SPACA9: variants seen among roughly 807,000 people sequenced by gnomAD.
SPACA9 encodes the protein sperm acrosome-associated protein 9.
In SPACA9, 14 loss-of-function variants were observed where a neutral mutation model predicts 12.5. The ratio of observed to expected loss-of-function variants is 1.12; its 90% CI spans 0.74 to 1.75. SPACA9 has a LOEUF of 1.75. Ranked by LOEUF, SPACA9 falls within the 40% of genes most tolerant of loss-of-function variation. The pLI is 0.00. For missense variants in SPACA9, 292 were observed against 291.9 expected (o/e 1.00, Z 0.00); for synonymous variants, 111 against 114.1 (o/e 0.97, Z 0.17).
rs373221100 is a variant in SPACA9, at chr9:132,883,974, C to T, written c.27C>T (p.Arg9=). The T allele has an allele frequency of 1.8e-5, 29 of 1,614,064 alleles. No homozygotes were observed. In the African/African-American group the frequency reaches 2.5e-4, roughly 14 times the overall value. MNEVKESL[R]SIEQKYKLFQ... is the part of the protein sequence containing the mutation. Reference sequence around the variant, plus strand: ...TGAATGAGGTGAAAGAATCCCTTCGCAGCATCGAGCAGAAGTACAAGCTCT... The same window carrying T: ...TGAATGAGGTGAAAGAATCCCTTCGTAGCATCGAGCAGAAGTACAAGCTCT... Residue 9 remains arginine, a synonymous_variant, in exon 2 of 4, where the codon CGC becomes CGT. Coordinates refer to ENST00000356311, the MANE Select transcript of SPACA9 (RefSeq NM_001316897.2).
chr9:132,882,503 T>C (rs375713759), intron 1 of SPACA9, among the ~76,000 whole-genome samples: 1 of 146,344 alleles, frequency 6.8e-6, no homozygotes, highest in African/African-American at 2.5e-5. Context: ...CCCTGTGTCC[T>C]AGGCTGGAGT....
intron 1 of SPACA9, among the ~76,000 whole-genome samples, chr9:132,879,522 T>C (rs1844323923): frequency 6.6e-6 from 1 of 152,320 alleles, no homozygotes; most frequent in Non-Finnish European, 1.5e-5. Context: ...TGGAGAGTAA[T>C]TGGCATGCAG....
At position 132,889,342 on chromosome 9, in the gene SPACA9, T is replaced by C. The variant is rs1286295613; in HGVS notation, c.*731T>C. On this transcript the variant is annotated 3_prime_UTR_variant, in exon 4 of 4. Coordinates refer to ENST00000356311, the MANE Select transcript of SPACA9 (RefSeq NM_001316897.2). Reference sequence around the variant, plus strand: ...CCCCAACTGTAGGCAAGGCACACGCTGTTTGCGAGCCAGGGATGCTCCCCT... The same window carrying C: ...CCCCAACTGTAGGCAAGGCACACGCCGTTTGCGAGCCAGGGATGCTCCCCT... 3.0e-6 allele frequency: 3 copies of C among 985,422 alleles called. No individual in the cohort carries two copies. The highest frequency in any genetic ancestry group is 3.6e-6 in the Non-Finnish European group (3 of 830,024). The allele number at this position is 985,422 out of a possible 1,614,324, so 61.0% of individuals were successfully genotyped here.
downstream of SPACA9, chr9:132,890,116 G>A: frequency 2.2e-6 from 2 of 912,464 alleles, no homozygotes; most frequent in Non-Finnish European, 3.0e-6. Flanking sequence ...TGGGCAGTAA[G>A]CCTCAGCAGA....
At chr9:132,883,033 C>T (rs1039797731) in intron 1 of SPACA9, among the ~76,000 whole-genome samples, 7 of 152,146 alleles carry the variant, frequency 4.6e-5, no homozygotes, top group Non-Finnish European at 8.8e-5. Context: ...ATTTTGCACG[C>T]GCTCAGCAAA....
chr9:132,888,775 C>T lies in SPACA9; in HGVS notation c.*164C>T. ...CCTCTCTCTCTTCTTGCTTTAACTT[C>T]TTTTTTTTTTGAGACGGAGTCTCGC... On this transcript the variant is annotated 3_prime_UTR_variant, in exon 4 of 4. Transcript: ENST00000356311. This position sits in a 1 kb window ranked among gnomAD's most constrained non-coding sequence, Gnocchi z 5.0. The T allele has an allele frequency of 2.4e-6, 3 of 1,269,844 alleles. No homozygotes were observed. The highest frequency in any genetic ancestry group is 3.1e-6 in the Non-Finnish European group (3 of 981,952). The allele number at this position is 1,269,844 out of a possible 1,614,324, so 78.7% of individuals were successfully genotyped here.
chr9:132,889,274 G>A lies in SPACA9; in HGVS notation c.*663G>A, dbSNP rs577475093. ...TGCTGCGGGCTGCAGTTTTGCAGAG[G>A]GTGATCAAGCTGGAGACCATCTGCT... On this transcript the variant is annotated 3_prime_UTR_variant, in exon 4 of 4. Coordinates refer to ENST00000356311, the MANE Select transcript of SPACA9 (RefSeq NM_001316897.2). The A allele has an allele frequency of 1.9e-4, 192 of 986,052 alleles. 3 individuals carry two copies. The South Asian group carries it at 7.7e-3, about 40-fold the overall frequency. The allele number at this position is 986,052 out of a possible 1,614,324, so 61.1% of individuals were successfully genotyped here.
rs575673907 is a variant in SPACA9, at chr9:132,887,245, C to T, written c.145-124C>T. ...CCTTAAAATGCTTAAGCGTTACTTG[C>T]GTCTCCCCCATGAGTCATGTAGGGT... On this transcript the variant is annotated intron_variant, in intron 2 of 3. Transcript: ENST00000356311. The surrounding 1 kb of genome is among the most constrained non-coding windows in gnomAD (Gnocchi z 5.4). The T allele has an allele frequency of 2.1e-5, 16 of 779,746 alleles. 1 individual carries two copies. Among genetic ancestry groups the T allele is most frequent in the Middle Eastern group, 3.8e-4 (1 of 2,634 alleles). 48.3% of individuals were successfully genotyped at this position (779,746 alleles called of 1,614,324 possible).
intron 1 of SPACA9, among the ~76,000 whole-genome samples, chr9:132,883,298 A>G (rs969526146): frequency 2.6e-5 from 4 of 152,256 alleles, no homozygotes; most frequent in African/African-American, 9.6e-5. Context: ...CAGAGCAGGC[A>G]GACTTACATC....
intron 2 of SPACA9, among the ~76,000 whole-genome samples, chr9:132,886,777 C>T (rs1305024736): frequency 6.6e-6 from 1 of 152,046 alleles, no homozygotes. Context: ...TTATATCCAT[C>T]TATCTATCTA....
intron 1 of SPACA9, among the ~76,000 whole-genome samples, chr9:132,880,708 T>G (rs1208729106): frequency 6.6e-6 from 1 of 152,126 alleles, no homozygotes; most frequent in Admixed American, 6.5e-5. Flanking sequence ...AAATCAAAAA[T>G]AATGCTGCCT....
chr9:132,885,248 T>C (rs1431886400), intron 2 of SPACA9, among the ~76,000 whole-genome samples: 1 of 151,964 alleles, frequency 6.6e-6, no homozygotes, highest in Non-Finnish European at 1.5e-5. Flanking sequence ...ACACAGCGGC[T>C]CATGCCGGTA....
rs560792232 is a variant in SPACA9, at chr9:132,888,484, G to A, written c.542G>A (p.Arg181His). The change falls in exon 4 of 4, where the codon CGT (arginine) becomes CAT (histidine). Residue 181 changes from arginine to histidine, a missense_variant. Physicochemically the swap from Arg to His is conservative, Grantham distance 29. Transcript: ENST00000356311. This position sits in a 1 kb window ranked among gnomAD's most constrained non-coding sequence, Gnocchi z 5.0. ...AHQESTRGAA[R>H]PAQAIGTQPR... is the part of the protein sequence containing the mutation. ...CAGGAGAGCACCAGGGGAGCCGCTCGTCCTGCCCAGGCCATAGGGACCCAG... is the reference window on the plus strand; with the variant it reads ...CAGGAGAGCACCAGGGGAGCCGCTCATCCTGCCCAGGCCATAGGGACCCAG... 13 of 1,606,408 alleles carry A rather than the reference G, an allele frequency of 8.1e-6. No homozygotes were observed. Among genetic ancestry groups the A allele is most frequent in the Admixed American group, 3.4e-5 (2 of 58,828 alleles).
Position 132,887,467 on chromosome 9 carries a change from G to C in SPACA9, c.243G>C (p.Gln81His). 6.2e-7 allele frequency: 1 copy of C among 1,613,922 alleles called. No homozygotes were observed. ...DICSELNKLC[Q>H]HFEAVHSGTP... ...GTTCAGAGCTGAATAAGCTCTGCCA[G>C]CACTTTGAGGCCGTGCACTCTGGCA... The change falls in exon 3 of 4, where the codon CAG (glutamine) becomes CAC (histidine). Residue 81 changes from glutamine (Q) to histidine (H), a missense_variant. By Grantham distance (24) the Gln-to-His change is conservative. Coordinates refer to ENST00000356311, the MANE Select transcript of SPACA9 (RefSeq NM_001316897.2). This position sits in a 1 kb window ranked among gnomAD's most constrained non-coding sequence, Gnocchi z 5.4.
chr9:132,889,119 CTGA>C lies in SPACA9; in HGVS notation c.*512_*514del. 1.0e-6 allele frequency: 1 copy of C among 991,554 alleles called. No individual in the cohort carries two copies. Among genetic ancestry groups the C allele is most frequent in the East Asian group, 1.1e-4 (1 of 9,000 alleles). 61.4% of individuals were successfully genotyped at this position (991,554 alleles called of 1,614,324 possible). On this transcript the variant is annotated 3_prime_UTR_variant, in exon 4 of 4. Transcript: ENST00000356311. ...CCACTTCTAAGCATCAGGCTCCGTG[CTGA>C]TGAAGAGGAAACCCACTTACAGAAG...
In SPACA9 at chr9:132,887,426, A is replaced by G. The variant is rs563367778; in HGVS notation, c.202A>G (p.Met68Val). The part of the protein sequence containing the change: ...NSSTDRRVLL[M>V]FLDICSELNK... ...CTCCACAGACCGGCGGGTTCTGCTC[A>G]TGTTCCTGGACATCTGTTCAGAGCT... The change falls in exon 3 of 4, where the codon ATG (methionine) becomes GTG (valine). Residue 68 changes from methionine (M) to valine (V), a missense_variant. Met to Val is a conservative substitution (Grantham distance 21). Transcript: ENST00000356311. This position sits in a 1 kb window ranked among gnomAD's most constrained non-coding sequence, Gnocchi z 5.4. 1.2e-5 allele frequency: 19 copies of G among 1,611,806 alleles called. No individual in the cohort carries two copies. The highest frequency in any genetic ancestry group is 2.2e-5 in the East Asian group (1 of 44,864).
rs1844661020 is a variant in SPACA9, at chr9:132,889,062, G to T, written c.*451G>T. ...TGGGATTACAGGCGTGAGCCACAGC[G>T]CCCGGCCCTCTTGCTTTAACTTCTA... On this transcript the variant is annotated 3_prime_UTR_variant, in exon 4 of 4. Coordinates refer to ENST00000356311, the MANE Select transcript of SPACA9 (RefSeq NM_001316897.2). The T allele has an allele frequency of 4.0e-6, 4 of 996,234 alleles. No homozygotes were observed. The highest frequency in any genetic ancestry group is 4.8e-6 in the Non-Finnish European group (4 of 835,734). The allele number at this position is 996,234 out of a possible 1,614,324, so 61.7% of individuals were successfully genotyped here. A position where few individuals can be genotyped will look rare whatever the true frequency, so the allele number is the denominator to read the frequency against.
chr9:132,888,626 C>T lies in SPACA9; in HGVS notation c.*15C>T. 2.0e-6 allele frequency: 3 copies of T among 1,514,836 alleles called. No homozygotes were observed. The highest frequency in any genetic ancestry group is 2.7e-6 in the Non-Finnish European group (3 of 1,129,706). 93.8% of individuals were successfully genotyped at this position (1,514,836 alleles called of 1,614,324 possible). A position where few individuals can be genotyped will look rare whatever the true frequency, so the allele number is the denominator to read the frequency against. ...GGAAATTGTAACTCAGAGCCAGGAGCTCCGTCGGCGGAGAGCTTTGCTGTT... is the reference window on the plus strand; with the variant it reads ...GGAAATTGTAACTCAGAGCCAGGAGTTCCGTCGGCGGAGAGCTTTGCTGTT... On this transcript the variant is annotated 3_prime_UTR_variant, in exon 4 of 4. Coordinates refer to ENST00000356311, the MANE Select transcript of SPACA9 (RefSeq NM_001316897.2). The surrounding 1 kb of genome is among the most constrained non-coding windows in gnomAD (Gnocchi z 5.0).
intron 2 of SPACA9, among the ~76,000 whole-genome samples, chr9:132,885,937 G>T (rs941305726): frequency 9.2e-5 from 14 of 151,836 alleles, no homozygotes; most frequent in African/African-American, 3.1e-4. Context: ...ATGCTCTGTT[G>T]TAGTTACACC....
Sources: allele counts gnomAD v4.1 joint callset (sites outside exome capture counted in the v4.1 genomes callset), GRCh38; gene constraint gnomAD v4.1.1; non-coding constraint Gnocchi (gnomAD v3.1); transcripts MANE v1.5; gene names NCBI Gene and HGNC (gene_info 2026-07-23, HGNC 2026-07-21).